Variants in CDH18 observed in about 807,000 individuals in gnomAD.
CDH18 encodes the protein cadherin-18.
Under a neutral mutation model 67.9 loss-of-function variants are expected in CDH18, and 31 were observed. That is an observed-to-expected ratio of 0.46 (90% CI 0.34 to 0.62). The LOEUF (loss-of-function observed/expected upper bound fraction) is 0.62. CDH18 is among the 20% of genes least tolerant of loss of function. The probability of loss-of-function intolerance (pLI) is 0.01; values close to 1 mark genes in which losing one functional copy is unlikely to be tolerated. For missense variants in CDH18, 890 were observed against 975.5 expected, an observed-to-expected ratio of 0.91 and a Z score of 1.17; for synonymous variants, 362 against 347.2, an observed-to-expected ratio of 1.04 and a Z score of -0.48.
intron 3 of CDH18, among the ~76,000 whole-genome samples, chr5:19,790,014 A>T (rs1248094421): frequency 2.0e-5 from 3 of 152,030 alleles, no homozygotes; most frequent in African/African-American, 7.2e-5. Context: ...TACATATATA[A>T]ATATACCATC....
intron 2 of CDH18, among the ~76,000 whole-genome samples, chr5:19,945,546 G>A (rs1795210341): frequency 1.3e-5 from 2 of 152,088 alleles, no homozygotes; most frequent in South Asian, 4.1e-4. Context: ...TCAATACTGA[G>A]ATGAATCAGA....
intron 2 of CDH18, among the ~76,000 whole-genome samples, chr5:19,858,356 C>A (rs367833171): frequency 7.2e-5 from 11 of 152,190 alleles, no homozygotes; most frequent in African/African-American, 2.4e-4. Context: ...AGTTGCTGGA[C>A]CCAGTTATTC....
At chr5:20,029,528 C>A (rs1739202904) in intron 2 of CDH18, among the ~76,000 whole-genome samples, 1 of 152,150 alleles carries the variant, frequency 6.6e-6, no homozygotes, top group Admixed American at 6.5e-5. Context: ...AGGTTTACAG[C>A]AAAATTATTC....
chr5:20,329,036 G>A (rs1331108756), intron 1 of CDH18, among the ~76,000 whole-genome samples: 1 of 152,134 alleles, frequency 6.6e-6, no homozygotes, highest in Non-Finnish European at 1.5e-5. Flanking sequence ...AACAATATTA[G>A]CTATTTACTT....
chr5:19,676,383 T>C (rs1759497074), intron 5 of CDH18, among the ~76,000 whole-genome samples: 2 of 151,958 alleles, frequency 1.3e-5, no homozygotes, highest in Admixed American at 1.3e-4. Flanking sequence ...GTTCCTATTA[T>C]GGGTAGTTAG....
chr5:20,519,383 C>T (rs1388645279), intron 1 of CDH18, among the ~76,000 whole-genome samples: 2 of 152,014 alleles, frequency 1.3e-5, no homozygotes, highest in Admixed American at 6.6e-5. Flanking sequence ...AAAAACCAAA[C>T]ACCGCATGTT....
intron 6 of CDH18, among the ~76,000 whole-genome samples, chr5:19,604,421 C>G (rs551813629): frequency 5.3e-5 from 8 of 152,048 alleles, no homozygotes; most frequent in Non-Finnish European, 1.0e-4. Flanking sequence ...GTCTGACTTA[C>G]AGAGTTTGCC....
At chr5:19,692,488 CA>C (rs1194243251) in intron 5 of CDH18, among the ~76,000 whole-genome samples, 3 of 151,850 alleles carry the variant, frequency 2.0e-5, no homozygotes, top group African/African-American at 7.2e-5. Context: ...ATTTATCTAA[CA>C]AATGACTAAT....
At chr5:19,633,484 T>A (rs1414342998) in intron 5 of CDH18, among the ~76,000 whole-genome samples, 6 of 152,204 alleles carry the variant, frequency 3.9e-5, no homozygotes, top group Non-Finnish European at 8.8e-5. Context: ...TATAACTATA[T>A]TAATTCAAAA....
intron 5 of CDH18, among the ~76,000 whole-genome samples, chr5:19,624,741 C>T (rs555969728): frequency 1.3e-5 from 2 of 152,272 alleles, no homozygotes; most frequent in South Asian, 4.1e-4. Context: ...AAAGGAAGCT[C>T]AGGACCACAC....
intron 5 of CDH18, among the ~76,000 whole-genome samples, chr5:19,664,400 A>T (rs1757622866): frequency 6.6e-6 from 1 of 151,922 alleles, no homozygotes; most frequent in Admixed American, 6.6e-5. Flanking sequence ...TCATATACTG[A>T]CATAGAAAGC....
At chr5:19,965,014 A>G (rs974515467) in intron 2 of CDH18, among the ~76,000 whole-genome samples, 15 of 152,210 alleles carry the variant, frequency 9.9e-5, no homozygotes, top group African/African-American at 3.6e-4. Flanking sequence ...CATATGCAAT[A>G]TATACCATAA....
intron 12 of CDH18, among the ~76,000 whole-genome samples, chr5:19,474,951 G>C (rs1167981439): frequency 5.9e-5 from 9 of 151,964 alleles, no homozygotes. Flanking sequence ...CATCAAATTT[G>C]TTATAGGCTG....
chr5:20,131,252 TA>T (rs200412634), intron 2 of CDH18, among the ~76,000 whole-genome samples: 1,750 of 152,238 alleles, frequency 0.011, 15 homozygotes, highest in Non-Finnish European at 0.018. Flanking sequence ...TTGCTCTGAA[TA>T]TTTTTTAAAG....
At chr5:19,987,638 A>T (rs1449081308) in intron 1 of CDH18, among the ~76,000 whole-genome samples, 5 of 152,230 alleles carry the variant, frequency 3.3e-5, no homozygotes, top group South Asian at 2.1e-4. Flanking sequence ...GGCAATAATT[A>T]AAAAAAGCAC....
At chr5:20,467,319 G>A (rs924818879) in intron 1 of CDH18, among the ~76,000 whole-genome samples, 2 of 138,068 alleles carry the variant, frequency 1.4e-5, no homozygotes, top group African/African-American at 5.4e-5. Flanking sequence ...ATATAAAAAA[G>A]GACTCATTTA....
At position 20,560,302 on chromosome 5, in the gene CDH18, G is replaced by A. The variant is rs184965146; in HGVS notation, c.-580+15160C>T. Among the ~76,000 whole-genome samples, 682 of 152,076 alleles carry A rather than the reference G, an allele frequency of 4.5e-3. 3 individuals are homozygous for A. The highest frequency in any genetic ancestry group is 6.0e-3 in the Non-Finnish European group (408 of 67,976). On this transcript the variant is annotated intron_variant, in intron 1 of 14. Coordinates refer to the CDH18 transcript ENST00000507958. ...CTAGAACCCAAATTCCAGATACCTA[G>A]ATTGTTAGTCACAATCATATTACAC...
At chr5:20,085,816 G>C (rs1744901678) in intron 2 of CDH18, among the ~76,000 whole-genome samples, 1 of 152,064 alleles carries the variant, frequency 6.6e-6, no homozygotes, top group African/African-American at 2.4e-5. Flanking sequence ...ACCTCCCCAG[G>C]TCCCTCCCAC....
At chr5:20,422,228 A>G (rs1747924054) in intron 1 of CDH18, among the ~76,000 whole-genome samples, 1 of 151,056 alleles carries the variant, frequency 6.6e-6, no homozygotes, top group Admixed American at 6.6e-5. Flanking sequence ...TTGTAACATA[A>G]TCAGGAAGAG....
Sources: allele counts gnomAD v4.1 joint callset (sites outside exome capture counted in the v4.1 genomes callset), GRCh38; gene constraint gnomAD v4.1.1; transcripts MANE v1.5; gene names NCBI Gene and HGNC (gene_info 2026-07-23, HGNC 2026-07-21).